HPSE2: variants seen among roughly 807,000 people sequenced by gnomAD.
The protein encoded by HPSE2 is heparanase 2 (inactive), also known as inactive heparanase-2.
A neutral mutation model predicts 60.5 loss-of-function variants in HPSE2; 38 were observed. That is an observed-to-expected ratio of 0.63 (90% confidence interval 0.48 to 0.82). The LOEUF (loss-of-function observed/expected upper bound fraction) is 0.82. Ranked by LOEUF, HPSE2 falls within the 40% of genes least tolerant of loss-of-function variation. The pLI, the probability that HPSE2 is intolerant of heterozygous loss-of-function variation, is 0.00. For synonymous variants in HPSE2, 295 were observed against 293.2 expected (o/e 1.01, Z -0.06); for missense variants, 713 against 740.4 (o/e 0.96, Z 0.43).
At chr10:99,136,489 C>T (rs1845659590) in intron 3 of HPSE2, among the ~76,000 whole-genome samples, 2 of 152,196 alleles carry the variant, frequency 1.3e-5, no homozygotes, top group Admixed American at 1.3e-4. Context: ...CGAAAATCCT[C>T]AATAAAATAC....
intron 3 of HPSE2, among the ~76,000 whole-genome samples, chr10:98,811,982 A>G (rs1212485340): frequency 2.0e-5 from 3 of 152,164 alleles, no homozygotes; most frequent in Non-Finnish European, 4.4e-5. Flanking sequence ...TTGTTAGGAT[A>G]TAGAAATACA....
chr10:99,027,915 C>A (rs1488727392), intron 3 of HPSE2, among the ~76,000 whole-genome samples: 1 of 152,176 alleles, frequency 6.6e-6, no homozygotes, highest in African/African-American at 2.4e-5. Flanking sequence ...ACCACATGAT[C>A]ATTTCAATTG....
At chr10:99,180,694 G>A (rs1847725424) in intron 2 of HPSE2, among the ~76,000 whole-genome samples, 1 of 151,816 alleles carries the variant, frequency 6.6e-6, no homozygotes, top group South Asian at 2.1e-4. Context: ...AGACCAGCCT[G>A]GGCAACATGG....
chr10:99,124,538 T>G lies in HPSE2; in HGVS notation c.610+19700A>C, dbSNP rs946493118. On this transcript the variant is annotated intron_variant, in intron 3 of 11. Transcript: ENST00000370552. ...TCAGCCCCTCCCTCAGGCTCCCTCC[T>G]GTGTTTGTTGGCACCCAAAGTCCAG... is the stretch of plus-strand genomic sequence containing the variant. Among the ~76,000 whole-genome samples the G allele has an allele frequency of 2.0e-5, 3 of 152,284 alleles. No homozygotes were observed. In the East Asian group the frequency reaches 5.8e-4, roughly 29 times the overall value.
chr10:98,483,496 C>T lies in HPSE2; in HGVS notation c.1467-714G>A, dbSNP rs547366770. On this transcript the variant is annotated intron_variant, in intron 10 of 11. Coordinates refer to ENST00000370552, the MANE Select transcript of HPSE2 (RefSeq NM_021828.5). ...TATTTCTGATGGATAAAGTCCTAGA[C>T]GTTGGAATCATTAGTCCAAGGGAAA... Among the ~76,000 whole-genome samples, 68 of 152,318 alleles carry T rather than the reference C, an allele frequency of 4.5e-4. No individual in the cohort carries two copies. The South Asian group carries it at 8.1e-3, about 18-fold the overall frequency.
At chr10:99,056,679 C>T (rs1958121994) in intron 3 of HPSE2, among the ~76,000 whole-genome samples, 2 of 152,074 alleles carry the variant, frequency 1.3e-5, no homozygotes. Flanking sequence ...AAAGCTATTA[C>T]ATGTGTAGAA....
upstream of HPSE2, chr10:99,235,954 G>GCT (rs959700530): frequency 5.3e-4 from 289 of 540,516 alleles, no homozygotes; most frequent in South Asian, 1.3e-3. Context: ...TCTCTCTCCC[G>GCT]CTCTCTCTCT....
At chr10:99,086,665 C>T (rs1476191214) in intron 3 of HPSE2, among the ~76,000 whole-genome samples, 1 of 152,138 alleles carries the variant, frequency 6.6e-6, no homozygotes, top group Non-Finnish European at 1.5e-5. Flanking sequence ...AAAGTACTTT[C>T]ATCTGAAGAT....
chr10:98,774,907 T>G (rs568562728), intron 3 of HPSE2, among the ~76,000 whole-genome samples: 34 of 152,326 alleles, frequency 2.2e-4, no homozygotes, highest in African/African-American at 7.9e-4. Context: ...GACATGATTC[T>G]AAGTATGTTG....
At position 98,978,263 on chromosome 10, in the gene HPSE2, A is replaced by G. The variant is rs542068887; in HGVS notation, c.610+165975T>C. 9.2e-5 allele frequency among the ~76,000 whole-genome samples: 14 copies of G among 152,258 alleles called. No homozygotes were observed. In the South Asian group the frequency reaches 2.5e-3, roughly 27 times the overall value. The stretch of plus-strand genomic sequence containing the variant: ...TTTTTTTAAAAGGCTATGGTTTCGA[A>G]GGAATCATTTTCTATAAGCAGGCCT... On this transcript the variant is annotated intron_variant, in intron 3 of 11. Transcript: ENST00000370552.
intron 3 of HPSE2, among the ~76,000 whole-genome samples, chr10:98,939,660 T>G (rs1954927409): frequency 7.0e-6 from 1 of 143,152 alleles, no homozygotes; most frequent in African/African-American, 2.9e-5. Flanking sequence ...ACTGTCAACA[T>G]TAGACAGATC....
rs1050595354 is a variant in HPSE2, at chr10:98,736,458, C to T, written c.784+7425G>A. 2.6e-5 allele frequency among the ~76,000 whole-genome samples: 4 copies of T among 152,108 alleles called. No individual in the cohort carries two copies. The East Asian group carries it at 7.7e-4, about 29-fold the overall frequency. ...AGTAACCAGAATTTTAGTGAGAGAA[C>T]ATGATTCTCCACCATGATAATGAAC... is the stretch of plus-strand genomic sequence containing the variant. On this transcript the variant is annotated intron_variant, in intron 4 of 11. Coordinates refer to ENST00000370552, the MANE Select transcript of HPSE2 (RefSeq NM_021828.5).
At chr10:98,690,606 C>A (rs747201728) in intron 6 of HPSE2, among the ~76,000 whole-genome samples, 3 of 151,794 alleles carry the variant, frequency 2.0e-5, no homozygotes, top group Non-Finnish European at 4.4e-5. Context: ...AGATCTCATG[C>A]AGTACTGTTC....
chr10:98,538,918 T>C (rs574428094), intron 9 of HPSE2, among the ~76,000 whole-genome samples: 34 of 152,310 alleles, frequency 2.2e-4, no homozygotes, highest in African/African-American at 6.7e-4. Flanking sequence ...GATGGGGCCA[T>C]AGCCAATGGA....
intron 9 of HPSE2, among the ~76,000 whole-genome samples, chr10:98,523,439 T>C (rs1942864374): frequency 6.6e-6 from 1 of 152,176 alleles, no homozygotes; most frequent in South Asian, 2.1e-4. Context: ...TGAAATAGAA[T>C]ATAGACTCTT....
At chr10:99,230,750 C>A (rs985190072) in intron 2 of HPSE2, among the ~76,000 whole-genome samples, 2 of 152,062 alleles carry the variant, frequency 1.3e-5, no homozygotes, top group Non-Finnish European at 2.9e-5. Flanking sequence ...CCTCCCTCAC[C>A]CCCAGCAATT....
At chr10:98,996,310 A>G (rs989946448) in intron 3 of HPSE2, among the ~76,000 whole-genome samples, 3 of 152,224 alleles carry the variant, frequency 2.0e-5, no homozygotes, top group Admixed American at 6.5e-5. Context: ...ACAAGATAAC[A>G]CTAAGCGCCC....
At chr10:99,308,358 C>T in the HPSE2 span, among the ~76,000 whole-genome samples, 11 of 41,026 alleles carry the variant, frequency 2.7e-4, no homozygotes, top group East Asian at 1.3e-3. Context: ...CCAGCCTGGC[C>T]GACAGAGCAA....
At chr10:99,200,361 C>A (rs991659234) in intron 2 of HPSE2, among the ~76,000 whole-genome samples, 1 of 151,946 alleles carries the variant, frequency 6.6e-6, no homozygotes, top group Admixed American at 6.6e-5. Context: ...TTAGGAAGTA[C>A]AATAATATTA....
Sources: allele counts gnomAD v4.1 joint callset (sites outside exome capture counted in the v4.1 genomes callset), GRCh38; gene constraint gnomAD v4.1.1; transcripts MANE v1.5; gene names NCBI Gene and HGNC (gene_info 2026-07-23, HGNC 2026-07-21).